DAAM1: variants seen among roughly 807,000 people sequenced by gnomAD.
DAAM1 encodes disheveled-associated activator of morphogenesis 1.
DAAM1 carries 52 observed loss-of-function variants against 130.0 expected under a neutral mutation model. That is an observed-to-expected ratio of 0.40 (90% confidence interval 0.32 to 0.50). The LOEUF (loss-of-function observed/expected upper bound fraction) is 0.50, where lower values mean the gene tolerates loss of function less well. DAAM1 is among the 20% of genes least tolerant of loss of function. The pLI, the probability that DAAM1 is intolerant of heterozygous loss-of-function variation, is 0.61. For synonymous variants in DAAM1, 452 were observed against 444.5 expected, an observed-to-expected ratio of 1.02 and a Z score of -0.21; for missense variants, 1,134 against 1,303.8, an observed-to-expected ratio of 0.87 and a Z score of 2.01.
At chr14:59,309,653 A>G (rs1381648115) in intron 3 of DAAM1, among the ~76,000 whole-genome samples, 1 of 152,242 alleles carries the variant, frequency 6.6e-6, no homozygotes, top group Non-Finnish European at 1.5e-5. Flanking sequence ...TAGCTACAAC[A>G]GACTGTGTGG....
At chr14:59,298,888 T>A (rs1884062631) in intron 3 of DAAM1, among the ~76,000 whole-genome samples, 1 of 152,230 alleles carries the variant, frequency 6.6e-6, no homozygotes, top group African/African-American at 2.4e-5. Context: ...GGTCTTGTGC[T>A]CACAGTGTGC....
chr14:59,270,295 AG>A (rs1331258905), intron 2 of DAAM1, among the ~76,000 whole-genome samples: 2 of 152,206 alleles, frequency 1.3e-5, no homozygotes, highest in Admixed American at 6.5e-5. Flanking sequence ...GCATCTGGTG[AG>A]GGCCTCAGCC....
In DAAM1 at chr14:59,288,858, AGAGC is replaced by A. The variant is rs758811729; in HGVS notation, c.184-2357_184-2354del. ...GAGAGAGAGAGAGAGAGAGAGAGAG[AGAGC>A]GCGCGAAGGGGGCAGTACCACACAC... On this transcript the variant is annotated intron_variant, in intron 2 of 24. Coordinates refer to ENST00000360909, the MANE Select transcript of DAAM1 (RefSeq NM_001270520.2). 2.8e-4 allele frequency among the ~76,000 whole-genome samples: 39 copies of A among 141,802 alleles called. 1 individual carries two copies. The highest frequency in any genetic ancestry group is 8.7e-4 in the East Asian group (4 of 4,596). The allele number at this position is 141,802 out of a possible 152,430, so 93.0% of individuals were successfully genotyped here.
At chr14:59,291,364 C>A in intron 3 of DAAM1, 58 bp downstream of exon 3, 2 of 1,368,690 alleles carry the variant, frequency 1.5e-6, no homozygotes, top group South Asian at 2.6e-5. Context: ...TCCATTTGCT[C>A]TTCCATTTCA....
At chr14:59,323,719 T>G (rs564618673) in intron 6 of DAAM1, among the ~76,000 whole-genome samples, 1 of 152,312 alleles carries the variant, frequency 6.6e-6, no homozygotes, top group South Asian at 2.1e-4. Context: ...TATGGGTCAG[T>G]GTAATCCTGT....
At chr14:59,364,609 CTCTCAGT>C (rs1291231433) in intron 23 of DAAM1, among the ~76,000 whole-genome samples, 1 of 151,420 alleles carries the variant, frequency 6.6e-6, no homozygotes, top group Non-Finnish European at 1.5e-5. Flanking sequence ...CTCTACCCAT[CTCTCAGT>C]TGCCACAACA....
intron 14 of DAAM1, 85 bp from the exon 15 acceptor site, chr14:59,331,728 G>A: frequency 6.6e-7 from 1 of 1,507,968 alleles, no homozygotes; most frequent in Non-Finnish European, 8.9e-7. Context: ...GAAAAATTTG[G>A]GATAGAAGCA....
chr14:59,367,702 C>A, intron 24 of DAAM1, 103 bp downstream of exon 24: 2 of 1,412,562 alleles, frequency 1.4e-6, no homozygotes, highest in African/African-American at 1.4e-5. Context: ...GGAAGGAAGG[C>A]TTCAATGTAC....
chr14:59,355,190 G>A lies in DAAM1; in HGVS notation c.2382G>A (p.Val794=). The change falls in exon 20 of 25, where the codon GTG becomes GTA. Residue 794 remains valine, a synonymous_variant. Transcript: ENST00000360909. The part of the protein sequence containing the change: ...VEAIRSGSEE[V]FRSGALKQLL... ...CAATTCGTTCTGGCTCAGAAGAGGT[G>A]TTTAGGAGTGGTGCCCTCAAGCAGT... is the stretch of plus-strand genomic sequence containing the variant. 1.2e-6 allele frequency: 2 copies of A among 1,614,138 alleles called. No homozygotes were observed. The highest frequency in any genetic ancestry group is 1.7e-6 in the Non-Finnish European group (2 of 1,179,986).
chr14:59,338,675 G>A (rs1001922055), intron 15 of DAAM1, among the ~76,000 whole-genome samples: 3 of 151,810 alleles, frequency 2.0e-5, no homozygotes, highest in African/African-American at 7.3e-5. Context: ...TTTCTAAACT[G>A]TTACACAGTT....
chr14:59,246,609 T>G (rs912572289), intron 1 of DAAM1, among the ~76,000 whole-genome samples: 3 of 152,182 alleles, frequency 2.0e-5, no homozygotes, highest in African/African-American at 7.2e-5. Flanking sequence ...TATTATTAAT[T>G]TTTTGAGAAA....
intron 1 of DAAM1, among the ~76,000 whole-genome samples, chr14:59,240,004 T>C (rs76580482): frequency 0.036 from 5,516 of 152,312 alleles, 134 homozygotes; most frequent in Non-Finnish European, 0.053. Flanking sequence ...GTTACATTAC[T>C]CATGTCAATT....
chr14:59,191,095 A>G (rs766338707), intron 1 of DAAM1, among the ~76,000 whole-genome samples: 14 of 152,176 alleles, frequency 9.2e-5, no homozygotes, highest in Admixed American at 2.6e-4. Context: ...ATTTTATACC[A>G]ATGTGCATTA....
chr14:59,222,409 T>C (rs1888803355), intron 1 of DAAM1, among the ~76,000 whole-genome samples: 1 of 152,200 alleles, frequency 6.6e-6, no homozygotes, highest in African/African-American at 2.4e-5. Flanking sequence ...AGGTCCAGTG[T>C]AATCAACCTG....
intron 12 of DAAM1, among the ~76,000 whole-genome samples, chr14:59,328,929 A>G (rs938036690): frequency 6.6e-6 from 1 of 152,220 alleles, no homozygotes; most frequent in African/African-American, 2.4e-5. Flanking sequence ...AAGAGGGCAT[A>G]TTTTGTTAAA....
intron 15 of DAAM1, among the ~76,000 whole-genome samples, chr14:59,335,941 G>C (rs1291301759): frequency 6.6e-6 from 1 of 151,358 alleles, no homozygotes; most frequent in Non-Finnish European, 1.5e-5. Flanking sequence ...AAAATGTTAT[G>C]ATTTAAGATA....
rs151200378 is a variant in DAAM1 at position 59,355,129 on chromosome 14, C to G, written c.2357-36C>G. The stretch of plus-strand genomic sequence containing the variant: ...CATCTTGATTTCAAACAACGAAACA[C>G]TTGGTAATCATGTTTTTATGTGTTT... On this transcript the variant is annotated intron_variant, in intron 19 of 24. Transcript: ENST00000360909. 27 of 1,594,140 alleles carry G rather than the reference C, an allele frequency of 1.7e-5. No homozygotes were observed. In the East Asian group the frequency reaches 5.8e-4, roughly 35 times the overall value.
intron 24 of DAAM1, among the ~76,000 whole-genome samples, chr14:59,368,405 GT>G (rs1887010135): frequency 6.6e-6 from 1 of 152,042 alleles, no homozygotes; most frequent in African/African-American, 2.4e-5. Flanking sequence ...ATATCATGCA[GT>G]TTACCTAGAA....
chr14:59,326,906 A>G (rs767273947), intron 11 of DAAM1, 27 bp from the exon 12 acceptor site: 39 of 1,612,734 alleles, frequency 2.4e-5, no homozygotes, highest in Non-Finnish European at 3.3e-5. Context: ...ATTTTTTGTA[A>G]TAAATGCTCC....
Sources: allele counts gnomAD v4.1 joint callset (sites outside exome capture counted in the v4.1 genomes callset), GRCh38; gene constraint gnomAD v4.1.1; transcripts MANE v1.5; gene names NCBI Gene and HGNC (gene_info 2026-07-23, HGNC 2026-07-21).